HECW2: variants seen among roughly 807,000 people sequenced by gnomAD.
The protein encoded by HECW2 is E3 ubiquitin-protein ligase HECW2.
HECW2 carries 61 observed loss-of-function variants against 175.2 expected under a neutral mutation model. The observed-to-expected ratio is 0.35, with a 90% CI of 0.28 to 0.43. HECW2 has a LOEUF of 0.43. Ranked by LOEUF, HECW2 falls within the 20% of genes least tolerant of loss-of-function variation. HECW2 has a pLI of 1.00. For missense variants in HECW2, 1,524 were observed against 2,000.5 expected (o/e 0.76, Z 4.54); for synonymous variants, 671 against 731.0 (o/e 0.92, Z 1.32).
chr2:196,274,648 C>T (rs893878164), intron 15 of HECW2, among the ~76,000 whole-genome samples: 1 of 152,200 alleles, frequency 6.6e-6, no homozygotes, highest in Non-Finnish European at 1.5e-5. Flanking sequence ...TCCTCAGGAG[C>T]AATTCTCCAT....
At chr2:196,334,367 T>C (rs764756434) in intron 4 of HECW2, 57 bp downstream of exon 4, 34 of 1,341,776 alleles carry the variant, frequency 2.5e-5, no homozygotes, top group East Asian at 1.2e-4. Context: ...CAGGTAAAAA[T>C]AGAAATCAAG....
At chr2:196,350,961 C>A (rs1406812548) in intron 2 of HECW2, among the ~76,000 whole-genome samples, 1 of 152,198 alleles carries the variant, frequency 6.6e-6, no homozygotes, top group Non-Finnish European at 1.5e-5. Flanking sequence ...ATTGTTTCCT[C>A]ATCCATTCCC....
At chr2:196,350,276 A>T (rs930638098) in intron 2 of HECW2, among the ~76,000 whole-genome samples, 3 of 152,176 alleles carry the variant, frequency 2.0e-5, no homozygotes, top group Admixed American at 6.6e-5. Context: ...GAGGCAGGAG[A>T]ACTGCTTGAA....
In HECW2 at chr2:196,425,406, T is replaced by C. The variant is rs372343782; in HGVS notation, c.292+7726A>G. On this transcript the variant is annotated intron_variant, in intron 2 of 28. Coordinates refer to ENST00000644978, the MANE Select transcript of HECW2 (RefSeq NM_001348768.2). ...ACATTTCTTAAGGCTATAGCTGCCA[T>C]AGATAGGAATTTCTCTGATGAATCT... 4.4e-4 allele frequency among the ~76,000 whole-genome samples: 67 copies of C among 152,266 alleles called. 1 individual carries two copies. The East Asian group carries it at 0.011, about 26-fold the overall frequency.
intron 1 of HECW2, among the ~76,000 whole-genome samples, chr2:196,584,410 C>A (rs1382089593): frequency 6.6e-6 from 1 of 152,164 alleles, no homozygotes; most frequent in Non-Finnish European, 1.5e-5. Context: ...AGAGATATTT[C>A]TTTACAGAAA....
chr2:196,429,367 C>T (rs1283643812), intron 2 of HECW2, among the ~76,000 whole-genome samples: 3 of 152,124 alleles, frequency 2.0e-5, no homozygotes, highest in Non-Finnish European at 2.9e-5. Context: ...GGTCCTCATC[C>T]CTCTTTCCTG....
intron 13 of HECW2, among the ~76,000 whole-genome samples, chr2:196,302,689 G>A (rs2105691079): frequency 6.6e-6 from 1 of 152,266 alleles, no homozygotes; most frequent in East Asian, 1.9e-4. Flanking sequence ...AATTGTGAAT[G>A]GGAGTTAATT....
intron 1 of HECW2, among the ~76,000 whole-genome samples, chr2:196,581,657 G>T (rs1441785661): frequency 6.6e-6 from 1 of 152,156 alleles, no homozygotes; most frequent in African/African-American, 2.4e-5. Context: ...TTAGGAAAAT[G>T]AACACCTACA....
chr2:196,380,737 G>A (rs1461804867), intron 2 of HECW2, among the ~76,000 whole-genome samples: 1 of 152,142 alleles, frequency 6.6e-6, no homozygotes, highest in Non-Finnish European at 1.5e-5. Flanking sequence ...CTCGTAAGGT[G>A]TGTTTGTTTT....
chr2:196,331,163 C>A (rs1692344100), intron 4 of HECW2: 6 of 985,430 alleles, frequency 6.1e-6, no homozygotes, highest in Non-Finnish European at 7.2e-6. Context: ...TCCTCTGCAA[C>A]ACACCAGGGT....
rs551055202 is a variant in HECW2, at chr2:196,383,045, G to A, written c.293-39281C>T. Among the ~76,000 whole-genome samples, 5 of 152,328 alleles carry A rather than the reference G, an allele frequency of 3.3e-5. No individual in the cohort carries two copies. In the South Asian group the frequency reaches 1.0e-3, roughly 32 times the overall value. The stretch of plus-strand genomic sequence containing the variant: ...GGTGGCAGAAGCATCAGTCAGAAGA[G>A]TGGTTCAAGGTAGGAGAAAGATAAC... On this transcript the variant is annotated intron_variant, in intron 2 of 28. Transcript: ENST00000644978.
chr2:196,564,440 T>C (rs1270068470), intron 1 of HECW2, among the ~76,000 whole-genome samples: 1 of 152,220 alleles, frequency 6.6e-6, no homozygotes, highest in Non-Finnish European at 1.5e-5. Flanking sequence ...TTAGGGATGG[T>C]AGGATAATGT....
At chr2:196,518,606 G>A (rs1190465276) in intron 1 of HECW2, among the ~76,000 whole-genome samples, 1 of 139,164 alleles carries the variant, frequency 7.2e-6, no homozygotes, top group Admixed American at 7.9e-5. Flanking sequence ...AGCGAGCTGA[G>A]ATTGCGCCAC....
chr2:196,406,972 T>A (rs1284884081), intron 2 of HECW2, among the ~76,000 whole-genome samples: 1 of 152,206 alleles, frequency 6.6e-6, no homozygotes, highest in Admixed American at 6.5e-5. Flanking sequence ...ATTTTCCATC[T>A]TTTCTCTTTA....
intron 2 of HECW2, among the ~76,000 whole-genome samples, chr2:196,384,455 G>A (rs571685192): frequency 5.1e-4 from 77 of 152,082 alleles, no homozygotes; most frequent in African/African-American, 1.5e-3. Context: ...GGTGGCATCC[G>A]CCTGCAGTCC....
intron 14 of HECW2, among the ~76,000 whole-genome samples, chr2:196,285,482 C>T (rs947693985): frequency 4.6e-5 from 7 of 152,130 alleles, no homozygotes; most frequent in Non-Finnish European, 5.9e-5. Context: ...ATTGTATCTG[C>T]TGTAAATTCT....
intron 1 of HECW2, among the ~76,000 whole-genome samples, chr2:196,587,922 C>A (rs1380704235): frequency 6.6e-6 from 1 of 152,196 alleles, no homozygotes; most frequent in African/African-American, 2.4e-5. Context: ...GCTGATCTTG[C>A]AAATCTTTGA....
Position 196,278,516 on chromosome 2 carries a change from C to A in HECW2, c.3135+12G>T, listed in dbSNP as rs774892116. The A allele has an allele frequency of 1.6e-5, 25 of 1,612,246 alleles. No homozygotes were observed. The highest frequency in any genetic ancestry group is 2.2e-5 in the South Asian group (2 of 90,936). On this transcript the variant is annotated intron_variant, in intron 15 of 28. Transcript: ENST00000644978. ...TCAACCAACAGGTCAGTCCCCAAAA[C>A]GCATGACTCACCTCACCCGCACTGT...
chr2:196,526,484 C>T (rs185499701), intron 1 of HECW2, among the ~76,000 whole-genome samples: 27 of 152,164 alleles, frequency 1.8e-4, no homozygotes, highest in Non-Finnish European at 2.9e-4. Context: ...AGCTCGTCAA[C>T]GTCATTCTCC....
Sources: gnomAD v4.1 joint callset for allele counts (sites outside exome capture counted in the v4.1 genomes callset) on GRCh38, gnomAD v4.1.1 for gene constraint, MANE v1.5 for transcripts, NCBI Gene and HGNC (gene_info 2026-07-23, HGNC 2026-07-21) for gene names.